Variants in PALS2 observed in about 807,000 individuals in gnomAD.
The protein encoded by PALS2 is protein PALS2.
In PALS2, 27 loss-of-function variants were observed where a neutral mutation model predicts 61.6. The observed-to-expected ratio is 0.44, with a 90% CI of 0.32 to 0.60. The LOEUF (loss-of-function observed/expected upper bound fraction) is 0.60, where lower values mean the gene tolerates loss of function less well. Ranked by LOEUF, PALS2 falls within the 20% of genes least tolerant of loss-of-function variation. PALS2 has a pLI of 0.05. For synonymous variants in PALS2, 236 were observed against 218.6 expected (o/e 1.08, Z -0.70); for missense variants, 554 against 639.4 (o/e 0.87, Z 1.44).
At chr7:24,652,877 T>C (rs34481308) in intron 5 of PALS2, among the ~76,000 whole-genome samples, 1 of 152,216 alleles carries the variant, frequency 6.6e-6, no homozygotes, top group Non-Finnish European at 1.5e-5. Flanking sequence ...TTTCAGGTGC[T>C]TGGTAAAAGT....
chr7:24,630,103 T>C (rs1784932301), intron 2 of PALS2, among the ~76,000 whole-genome samples: 1 of 152,102 alleles, frequency 6.6e-6, no homozygotes, highest in South Asian at 2.1e-4. Context: ...ATAGACTGGA[T>C]AAAGAAAATG....
chr7:24,681,092 C>T (rs867511965), intron 11 of PALS2, among the ~76,000 whole-genome samples: 55 of 151,746 alleles, frequency 3.6e-4, no homozygotes, highest in African/African-American at 1.3e-3. Context: ...ATTAATTGAA[C>T]GCCTTCATTT....
chr7:24,649,775 A>G lies in PALS2; in HGVS notation c.423+11A>G. 1 of 1,581,462 alleles carries G rather than the reference A, an allele frequency of 6.3e-7. No homozygotes were observed. The highest frequency in any genetic ancestry group is 1.4e-5 in the African/African-American group (1 of 73,374). ...GCTGGGGAACCACTGGTGAGTACAG[A>G]TAAATCAGTACCCTATTAAATCTGA... On this transcript the variant is annotated intron_variant, in intron 4 of 11. Coordinates refer to ENST00000222644, the MANE Select transcript of PALS2 (RefSeq NM_001303037.2).
chr7:24,628,801 C>A (rs1784861492), intron 2 of PALS2, among the ~76,000 whole-genome samples: 1 of 152,076 alleles, frequency 6.6e-6, no homozygotes, highest in South Asian at 2.1e-4. Context: ...TGTGAAGGAC[C>A]TCTTCAAGGA....
At chr7:24,671,860 G>T (rs1293871507) in intron 9 of PALS2, among the ~76,000 whole-genome samples, 1 of 151,824 alleles carries the variant, frequency 6.6e-6, no homozygotes. Context: ...TAAATGTCAA[G>T]ATTTATTTAT....
intron 1 of PALS2, among the ~76,000 whole-genome samples, chr7:24,605,992 A>G (rs1783885264): frequency 6.6e-6 from 1 of 152,138 alleles, no homozygotes; most frequent in Non-Finnish European, 1.5e-5. Context: ...GTCAACCCAA[A>G]GATGATCTCC....
intron 1 of PALS2, among the ~76,000 whole-genome samples, chr7:24,579,883 ATAG>A (rs887911164): frequency 1.3e-5 from 2 of 152,260 alleles, no homozygotes; most frequent in African/African-American, 4.8e-5. Context: ...GAACTTTTTC[ATAG>A]TTGCTTTGTT....
At chr7:24,672,605 G>T (rs1197468179) in intron 9 of PALS2, among the ~76,000 whole-genome samples, 1 of 152,046 alleles carries the variant, frequency 6.6e-6, no homozygotes, top group African/African-American at 2.4e-5. Context: ...GGTTTTCATT[G>T]TACAAATATT....
intron 3 of PALS2, among the ~76,000 whole-genome samples, chr7:24,648,904 C>CAAA (rs763677372): frequency 3.0e-4 from 27 of 90,576 alleles, no homozygotes; most frequent in Admixed American, 5.4e-4. Flanking sequence ...GACTCTGTCT[C>CAAA]AAAAAAGAAA....
At chr7:24,633,867 G>A (rs1460067967) in intron 2 of PALS2, among the ~76,000 whole-genome samples, 1 of 152,086 alleles carries the variant, frequency 6.6e-6, no homozygotes, top group Non-Finnish European at 1.5e-5. Flanking sequence ...TAATATCTCT[G>A]TATCATCTTC....
chr7:24,623,528 A>T (rs940133278), intron 1 of PALS2, 138 bp from the exon 2 acceptor site: 25 of 567,720 alleles, frequency 4.4e-5, no homozygotes, highest in Non-Finnish European at 6.7e-5. Flanking sequence ...TTCATTTTTT[A>T]AAATGTTATT....
chr7:24,640,440 T>G (rs1054239830), intron 2 of PALS2, among the ~76,000 whole-genome samples: 1 of 152,158 alleles, frequency 6.6e-6, no homozygotes, highest in African/African-American at 2.4e-5. Flanking sequence ...GTATGATAGT[T>G]TAGGTATCTG....
chr7:24,579,221 T>A (rs1782747156), intron 1 of PALS2, among the ~76,000 whole-genome samples: 1 of 152,318 alleles, frequency 6.6e-6, no homozygotes, highest in Non-Finnish European at 1.5e-5. Context: ...ATAAAAACTA[T>A]GAGATACTGT....
intron 1 of PALS2, among the ~76,000 whole-genome samples, chr7:24,611,608 A>C (rs903668278): frequency 2.0e-5 from 3 of 152,030 alleles, no homozygotes; most frequent in African/African-American, 7.2e-5. Flanking sequence ...AATACCAAAA[A>C]ATTTAATTAT....
Position 24,649,730 on chromosome 7 carries a change from T to G in PALS2, c.389T>G (p.Ile130Ser). 6.2e-7 allele frequency: 1 copy of G among 1,610,434 alleles called. No individual in the cohort carries two copies. The highest frequency in any genetic ancestry group is 8.5e-7 in the Non-Finnish European group (1 of 1,178,366). ...TTATTACCAGTAGATGCCATTCGTA[T>G]TCTTGGTATTCACAAAAGAGCTGGG... Reference protein sequence around the residue: ...NQLLPVDAIRILGIHKRAGEP... With the variant: ...NQLLPVDAIRSLGIHKRAGEP... Residue 130 changes from isoleucine to serine, a missense_variant, in exon 4 of 12, where the codon ATT (isoleucine) becomes AGT (serine). Physicochemically the swap from Ile to Ser is moderately radical, Grantham distance 142. Coordinates refer to ENST00000222644, the MANE Select transcript of PALS2 (RefSeq NM_001303037.2).
At chr7:24,639,308 A>G (rs2128069291) in intron 2 of PALS2, among the ~76,000 whole-genome samples, 1 of 152,328 alleles carries the variant, frequency 6.6e-6, no homozygotes, top group Non-Finnish European at 1.5e-5. Context: ...TGACTCTGCC[A>G]TTCACCAGTA....
At chr7:24,597,329 A>T (rs1481252231) in intron 1 of PALS2, 1 of 152,204 alleles carries the variant, frequency 6.6e-6, no homozygotes, top group Non-Finnish European at 1.5e-5. Flanking sequence ...CTTAAATAGA[A>T]TGAAGACAGT....
intron 3 of PALS2, among the ~76,000 whole-genome samples, chr7:24,646,803 C>G (rs1276920665): frequency 2.0e-5 from 3 of 152,124 alleles, no homozygotes; most frequent in Non-Finnish European, 4.4e-5. Context: ...GGTTGATAAA[C>G]TATTTATTAC....
rs79585972 is a variant in PALS2, at chr7:24,577,231, T to G, written c.-3+3638T>G. Among the ~76,000 whole-genome samples, 1,135 of 151,888 alleles carry G rather than the reference T, an allele frequency of 7.5e-3. 15 individuals are homozygous for G. The highest frequency in any genetic ancestry group is 0.025 in the African/African-American group (1,049 of 41,476). The stretch of plus-strand genomic sequence containing the variant: ...GTTATTTTCCTTCTTTCCTTTAAGA[T>G]GACTTTGCTTTCATCCGAAAATTCT... On this transcript the variant is annotated intron_variant, in intron 1 of 11. Transcript: ENST00000222644.
Sources: allele counts gnomAD v4.1 joint callset (sites outside exome capture counted in the v4.1 genomes callset), GRCh38; gene constraint gnomAD v4.1.1; transcripts MANE v1.5; gene names NCBI Gene and HGNC (gene_info 2026-07-23, HGNC 2026-07-21).